The following BBS9 variants were observed in gnomAD, a reference collection of about 807,000 sequenced individuals.
BBS9 encodes protein PTHB1.
In BBS9, 89 loss-of-function variants were observed where a neutral mutation model predicts 117.7. That is an observed-to-expected ratio of 0.76 (90% CI 0.64 to 0.90). The LOEUF is 0.90. Ranked by LOEUF, BBS9 falls within the 40% of genes least tolerant of loss-of-function variation. BBS9 has a pLI of 0.00. For missense variants in BBS9, 982 were observed against 1,042.2 expected, an observed-to-expected ratio of 0.94 and a Z score of 0.80; for synonymous variants, 379 against 370.9, an observed-to-expected ratio of 1.02 and a Z score of -0.25.
At chr7:33,145,317 G>A (rs1208391972) in intron 1 of BBS9, among the ~76,000 whole-genome samples, 3 of 152,278 alleles carry the variant, frequency 2.0e-5, no homozygotes, top group East Asian at 3.9e-4. Context: ...GTGATGCTGT[G>A]TTGTAATTCA....
At chr7:33,222,715 A>T (rs1790479092) in intron 5 of BBS9, among the ~76,000 whole-genome samples, 1 of 152,002 alleles carries the variant, frequency 6.6e-6, no homozygotes, top group Admixed American at 6.6e-5. Flanking sequence ...TGGGAGGCTG[A>T]GGTGGGTGGA....
chr7:33,385,326 C>T (rs1402345453), intron 18 of BBS9, among the ~76,000 whole-genome samples: 1 of 152,144 alleles, frequency 6.6e-6, no homozygotes, highest in Middle Eastern at 3.2e-3. Flanking sequence ...CGTTGTTATG[C>T]TTCCTTTGTT....
intron 1 of BBS9, among the ~76,000 whole-genome samples, chr7:33,142,465 A>C (rs772191330): frequency 2.0e-5 from 3 of 152,256 alleles, no homozygotes; most frequent in Admixed American, 6.5e-5. Context: ...ATAATGTGAC[A>C]TAAAATTGAA....
chr7:33,232,520 C>A (rs1038612322), intron 5 of BBS9, among the ~76,000 whole-genome samples: 6 of 151,922 alleles, frequency 3.9e-5, no homozygotes, highest in Non-Finnish European at 5.9e-5. Flanking sequence ...AACAGTTCTT[C>A]ATTTTTTTTA....
intron 19 of BBS9, among the ~76,000 whole-genome samples, chr7:33,456,751 A>G (rs1275253632): frequency 6.6e-6 from 1 of 152,184 alleles, no homozygotes; most frequent in Admixed American, 6.5e-5. Flanking sequence ...TAATATCCCT[A>G]CATCTCTTAC....
intron 20 of BBS9, among the ~76,000 whole-genome samples, chr7:33,528,110 CCAAA>C (rs569290842): frequency 1.9e-3 from 283 of 152,122 alleles, no homozygotes; most frequent in African/African-American, 6.6e-3. Flanking sequence ...ATTATAAATA[CCAAA>C]CACTTTTCAT....
At chr7:33,310,003 G>A (rs1477674685) in intron 9 of BBS9, among the ~76,000 whole-genome samples, 1 of 152,198 alleles carries the variant, frequency 6.6e-6, no homozygotes, top group Admixed American at 6.5e-5. Context: ...AGCCAAAAAA[G>A]GGGCACATAT....
At chr7:33,521,144 A>G (rs1237466435) in intron 20 of BBS9, among the ~76,000 whole-genome samples, 1 of 152,222 alleles carries the variant, frequency 6.6e-6, no homozygotes, top group Admixed American at 6.5e-5. Context: ...ATCCAGGATC[A>G]CGTTTTATAA....
intron 5 of BBS9, among the ~76,000 whole-genome samples, chr7:33,228,068 GGTT>G (rs1283268681): frequency 1.3e-5 from 2 of 152,050 alleles, no homozygotes; most frequent in Admixed American, 6.6e-5. Context: ...TTTCCATAGT[GGTT>G]GTACTAATTT....
chr7:33,290,411 G>A (rs1159395909), intron 9 of BBS9, among the ~76,000 whole-genome samples: 1 of 152,100 alleles, frequency 6.6e-6, no homozygotes, highest in African/African-American at 2.4e-5. Flanking sequence ...AATAATGGAG[G>A]GATGCAGTTA....
chr7:33,472,430 GA>G (rs1841173797), intron 19 of BBS9, among the ~76,000 whole-genome samples: 1 of 152,206 alleles, frequency 6.6e-6, no homozygotes, highest in African/African-American at 2.4e-5. Flanking sequence ...CAATACTTGA[GA>G]AAATATCTCT....
intron 7 of BBS9, among the ~76,000 whole-genome samples, chr7:33,266,687 GT>G (rs1255493500): frequency 1.3e-5 from 2 of 152,008 alleles, no homozygotes; most frequent in Non-Finnish European, 2.9e-5. Context: ...ATCTTTGACT[GT>G]AATTGTGGAT....
At chr7:33,231,168 T>C (rs561568100) in intron 5 of BBS9, among the ~76,000 whole-genome samples, 1 of 149,208 alleles carries the variant, frequency 6.7e-6, no homozygotes, top group East Asian at 2.2e-4. Flanking sequence ...AATTCTGTTT[T>C]TCTGTCACCC....
intron 5 of BBS9, among the ~76,000 whole-genome samples, chr7:33,210,065 A>C (rs2893467): frequency 0.52 from 78,871 of 151,926 alleles, 20,686 homozygotes; most frequent in Admixed American, 0.6. Flanking sequence ...CTTTCACTGT[A>C]TTTCATAGGT....
rs73101659 is a variant in BBS9, at chr7:33,346,994, A to G, written c.1330-2074A>G. 8.2e-3 allele frequency among the ~76,000 whole-genome samples: 1,248 copies of G among 151,916 alleles called. 5 individuals carry two copies. Among genetic ancestry groups the G allele is most frequent in the Non-Finnish European group, 0.014 (937 of 67,960 alleles). On this transcript the variant is annotated intron_variant, in intron 12 of 22. Coordinates refer to ENST00000242067, the MANE Select transcript of BBS9 (RefSeq NM_198428.3). ...AAAATAGGGATACTTTTTCATCTGCAAAGTTATTTTGAGTCTTAACCACAG... is the reference window on the plus strand; with the variant it reads ...AAAATAGGGATACTTTTTCATCTGCGAAGTTATTTTGAGTCTTAACCACAG...
intron 9 of BBS9, among the ~76,000 whole-genome samples, chr7:33,303,725 T>C (rs1277011043): frequency 5.3e-5 from 8 of 152,082 alleles, no homozygotes; most frequent in Non-Finnish European, 8.8e-5. Context: ...ACCGGGCTGG[T>C]CTCCAGCTCC....
At chr7:33,342,412 TA>T (rs1318239991) in intron 11 of BBS9, among the ~76,000 whole-genome samples, 1 of 152,142 alleles carries the variant, frequency 6.6e-6, no homozygotes, top group African/African-American at 2.4e-5. Context: ...TTGGGCAACT[TA>T]TATAAGTTTT....
intron 15 of BBS9, among the ~76,000 whole-genome samples, chr7:33,355,290 G>T (rs191010554): frequency 6.6e-6 from 1 of 151,996 alleles, no homozygotes; most frequent in East Asian, 1.9e-4. Context: ...TACACTTCAG[G>T]TTTCCTAAGA....
At chr7:33,411,234 T>C (rs962520330) in intron 19 of BBS9, among the ~76,000 whole-genome samples, 17 of 152,146 alleles carry the variant, frequency 1.1e-4, no homozygotes, top group Non-Finnish European at 2.4e-4. Flanking sequence ...GCTTCCTATT[T>C]AGCAAACTAC....
Sources: allele counts gnomAD v4.1 joint callset (sites outside exome capture counted in the v4.1 genomes callset), GRCh38; gene constraint gnomAD v4.1.1; transcripts MANE v1.5; gene names NCBI Gene and HGNC (gene_info 2026-07-23, HGNC 2026-07-21).